The following SCMH1 variants were observed in gnomAD, a reference collection of about 807,000 sequenced individuals.
The protein encoded by SCMH1 is polycomb protein SCMH1.
Under a neutral mutation model 70.8 loss-of-function variants are expected in SCMH1, and 37 were observed. That is an observed-to-expected ratio of 0.52 (90% CI 0.40 to 0.69). The LOEUF is 0.69. SCMH1 is among the 30% of genes least tolerant of loss of function. SCMH1 has a pLI of 0.00. For missense variants in SCMH1, 607 were observed against 827.3 expected (o/e 0.73, Z 3.27); for synonymous variants, 292 against 307.4 (o/e 0.95, Z 0.52).
At chr1:41,099,389 C>A (rs1665977107) in intron 8 of SCMH1, among the ~76,000 whole-genome samples, 1 of 152,156 alleles carries the variant, frequency 6.6e-6, no homozygotes, top group Non-Finnish European at 1.5e-5. Context: ...CTATGCATTT[C>A]CAAAATCACA....
intron 6 of SCMH1, among the ~76,000 whole-genome samples, chr1:41,122,357 C>T (rs913140797): frequency 2.0e-5 from 3 of 152,168 alleles, no homozygotes; most frequent in Non-Finnish European, 2.9e-5. Context: ...TGAGACATCA[C>T]TTCCTCAGAA....
chr1:41,152,885 G>T, intron 4 of SCMH1: 1 of 756,636 alleles, frequency 1.3e-6, no homozygotes, highest in Non-Finnish European at 2.0e-6. Flanking sequence ...AATAGATTTG[G>T]CCAGAAATCA....
intron 2 of SCMH1, among the ~76,000 whole-genome samples, chr1:41,180,957 G>C (rs1648558993): frequency 6.6e-6 from 1 of 152,122 alleles, no homozygotes; most frequent in Non-Finnish European, 1.5e-5. Context: ...ATACTACAAG[G>C]CTACAGTAAC....
intron 2 of SCMH1, among the ~76,000 whole-genome samples, chr1:41,165,503 A>T (rs775815525): frequency 1.3e-5 from 2 of 152,146 alleles, no homozygotes; most frequent in Non-Finnish European, 2.9e-5. Context: ...TGATATCCGT[A>T]ACAGTGTATA....
At chr1:41,232,141 A>G (rs577968617) in intron 1 of SCMH1, among the ~76,000 whole-genome samples, 2 of 152,234 alleles carry the variant, frequency 1.3e-5, no homozygotes, top group African/African-American at 4.8e-5. Context: ...TAAAGTTATT[A>G]TATCTGTCAC....
At chr1:41,124,621 ATTTT>A (rs1484679856) in intron 6 of SCMH1, among the ~76,000 whole-genome samples, 9 of 119,440 alleles carry the variant, frequency 7.5e-5, no homozygotes, top group African/African-American at 2.1e-4. Flanking sequence ...TTATTTATTT[ATTTT>A]GAGACAGGGT....
chr1:41,206,859 C>T (rs115361948), intron 1 of SCMH1, among the ~76,000 whole-genome samples: 1,535 of 152,230 alleles, frequency 0.01, 11 homozygotes, highest in Non-Finnish European at 0.015. Context: ...AAACCCTATA[C>T]GCCAGAAGCG....
intron 10 of SCMH1, among the ~76,000 whole-genome samples, chr1:41,059,760 G>A (rs1470475344): frequency 1.3e-5 from 2 of 152,094 alleles, no homozygotes; most frequent in Non-Finnish European, 2.9e-5. Context: ...CTGTGGGGCC[G>A]GTGCCCCAAA....
chr1:41,132,741 G>C (rs1369069575), intron 6 of SCMH1, among the ~76,000 whole-genome samples: 1 of 151,994 alleles, frequency 6.6e-6, no homozygotes, highest in Non-Finnish European at 1.5e-5. Flanking sequence ...AAGGAGTCCA[G>C]TTTCAGGTTT....
At chr1:41,136,700 T>A (rs958436381) in intron 6 of SCMH1, among the ~76,000 whole-genome samples, 5 of 151,862 alleles carry the variant, frequency 3.3e-5, no homozygotes, top group African/African-American at 4.8e-5. Flanking sequence ...TTGTGCCTAC[T>A]CTCCTTTTTT....
intron 6 of SCMH1, among the ~76,000 whole-genome samples, chr1:41,119,004 T>A (rs1262814189): frequency 2.0e-5 from 3 of 152,234 alleles, no homozygotes. Context: ...AGATATTATC[T>A]TCATTTTATA....
At chr1:41,232,076 T>A (rs776992477) in intron 1 of SCMH1, among the ~76,000 whole-genome samples, 8 of 151,850 alleles carry the variant, frequency 5.3e-5, no homozygotes, top group Non-Finnish European at 1.0e-4. Context: ...GATTATCTGA[T>A]GTTTTCTCAT....
intron 6 of SCMH1, among the ~76,000 whole-genome samples, chr1:41,127,145 T>A (rs868660170): frequency 6.6e-6 from 1 of 152,214 alleles, no homozygotes; most frequent in Non-Finnish European, 1.5e-5. Flanking sequence ...CTGAGGACCA[T>A]TTGTATATCT....
chr1:41,056,157 G>GCT (rs1311530028), intron 10 of SCMH1, among the ~76,000 whole-genome samples: 1 of 152,164 alleles, frequency 6.6e-6, no homozygotes, highest in African/African-American at 2.4e-5. Flanking sequence ...GAAAATGGTA[G>GCT]CTTTCACTTC....
At position 41,128,295 on chromosome 1, in the gene SCMH1, TATC is replaced by T. The variant is rs372527941; in HGVS notation, c.413-11288_413-11286del. Among the ~76,000 whole-genome samples, 929 of 152,324 alleles carry T rather than the reference TATC, an allele frequency of 6.1e-3. 13 individuals are homozygous for T. Among genetic ancestry groups the T allele is most frequent in the African/African-American group, 0.021 (888 of 41,578 alleles). ...TTGCAGAGATCCATTTTTTCCATGTTATCATTTTCTTTCTGCTTTAAGGACTTC... is the reference window on the plus strand; with the variant it reads ...TTGCAGAGATCCATTTTTTCCATGTTATTTTCTTTCTGCTTTAAGGACTTC... On this transcript the variant is annotated intron_variant, in intron 6 of 14. Coordinates refer to ENST00000337495, the Ensembl canonical transcript of SCMH1.
rs76939660 is a variant in SCMH1 at position 41,068,894 on chromosome 1, C to A, written c.1105+1701G>T. On this transcript the variant is annotated intron_variant, in intron 10 of 14. Coordinates refer to ENST00000337495, the Ensembl canonical transcript of SCMH1. ...AGACCTTGGAAAGAGCAAACAGAGA[C>A]CCTCACCAAAAAAGAGAGGTGAACA... Among the ~76,000 whole-genome samples the A allele has an allele frequency of 3.2e-4, 48 of 152,050 alleles. 1 individual carries two copies. The East Asian group carries it at 8.3e-3, about 26-fold the overall frequency.
At chr1:41,116,178 TTC>T (rs1409613772) in intron 7 of SCMH1, among the ~76,000 whole-genome samples, 1 of 152,224 alleles carries the variant, frequency 6.6e-6, no homozygotes, top group Admixed American at 6.5e-5. Flanking sequence ...TCATCTTTAT[TTC>T]TAGTCCCAAA....
At position 41,169,590 on chromosome 1, in the gene SCMH1, C is replaced by T. The variant is rs141997852; in HGVS notation, c.14-8158G>A. 7.3e-3 allele frequency among the ~76,000 whole-genome samples: 1,106 copies of T among 152,140 alleles called. 17 individuals carry two copies. Among genetic ancestry groups the T allele is most frequent in the African/African-American group, 0.025 (1,046 of 41,508 alleles). On this transcript the variant is annotated intron_variant, in intron 2 of 14. Transcript: ENST00000337495. ...AGACAGCTGTAAAAGTTGGGACACT[C>T]GTTGTGTGGACATACGCCTATCAGG... is the stretch of plus-strand genomic sequence containing the variant.
At chr1:41,032,280 G>A (rs1644635560) in intron 13 of SCMH1, among the ~76,000 whole-genome samples, 1 of 152,180 alleles carries the variant, frequency 6.6e-6, no homozygotes, top group African/African-American at 2.4e-5. Context: ...ACTCCCATTA[G>A]AATATAAACT....
Sources: gnomAD v4.1 joint callset for allele counts (sites outside exome capture counted in the v4.1 genomes callset) on GRCh38, gnomAD v4.1.1 for gene constraint, MANE v1.5 for transcripts, NCBI Gene and HGNC (gene_info 2026-07-23, HGNC 2026-07-21) for gene names.